Variants in ABCC10 observed in about 807,000 individuals in gnomAD.
ABCC10 encodes ATP binding cassette subfamily C member 10.
ABCC10 carries 110 observed loss-of-function variants against 143.2 expected under a neutral mutation model. The observed-to-expected ratio is 0.77, with a 90% CI of 0.66 to 0.90. The LOEUF (loss-of-function observed/expected upper bound fraction) is 0.90, where lower values mean the gene tolerates loss of function less well. Ranked by LOEUF, ABCC10 falls within the 40% of genes least tolerant of loss-of-function variation. The pLI, the probability that ABCC10 is intolerant of heterozygous loss-of-function variation, is 0.00. For synonymous variants in ABCC10, 805 were observed against 846.7 expected (o/e 0.95, Z 0.85); for missense variants, 1,700 against 1,900.5 (o/e 0.89, Z 1.96).
At chr6:43,435,483 A>G (rs1391991484) in intron 4 of ABCC10, among the ~76,000 whole-genome samples, 1 of 152,038 alleles carries the variant, frequency 6.6e-6, no homozygotes, top group East Asian at 1.9e-4. Context: ...CAGTGAGCCG[A>G]GATTATGCCA....
chr6:43,428,473 G>T (rs1780741447), intron 2 of ABCC10, among the ~76,000 whole-genome samples: 1 of 152,196 alleles, frequency 6.6e-6, no homozygotes, highest in Non-Finnish European at 1.5e-5. Flanking sequence ...ATTGGAGGCA[G>T]AATTGGGGGA....
chr6:43,442,948 C>A, intron 9 of ABCC10, 22 bp from the exon 10 acceptor site: 1 of 1,546,208 alleles, frequency 6.5e-7, no homozygotes, highest in South Asian at 1.3e-5. Flanking sequence ...CTGGTGCCCA[C>A]GGTACCCTCA....
At chr6:43,428,293 G>A (rs887934636) in intron 2 of ABCC10, among the ~76,000 whole-genome samples, 154 bp downstream of exon 2, 1 of 152,244 alleles carries the variant, frequency 6.6e-6, no homozygotes, top group African/African-American at 2.4e-5. Flanking sequence ...CAGCAATGTG[G>A]CTGTTCTTGG....
chr6:43,428,014 C>T lies in ABCC10; in HGVS notation c.36C>T (p.Ser12=). 6.2e-7 allele frequency: 1 copy of T among 1,610,110 alleles called. No individual in the cohort carries two copies. The highest frequency in any genetic ancestry group is 1.1e-5 in the South Asian group (1 of 90,556). The change falls in exon 2 of 22, where the codon AGC becomes AGT. Residue 12 remains serine (S), a synonymous_variant. Coordinates refer to ENST00000372530, the MANE Select transcript of ABCC10 (RefSeq NM_001198934.2). ...ERLLAQLCGS[S]AAWPLPLWEG... is the part of the protein sequence containing the mutation. ...TTCTGGCCCAGCTGTGCGGCAGCAG[C>T]GCAGCGTGGCCGCTCCCGCTGTGGG...
chr6:43,442,945 C>A, intron 9 of ABCC10, 25 bp from the exon 10 acceptor site: 1 of 1,541,342 alleles, frequency 6.5e-7, no homozygotes, highest in Non-Finnish European at 8.7e-7. Flanking sequence ...GTCCTGGTGC[C>A]CACGGTACCC....
chr6:43,436,367 G>A, intron 6 of ABCC10, 120 bp downstream of exon 6: 11 of 1,246,868 alleles, frequency 8.8e-6, no homozygotes, highest in Non-Finnish European at 1.0e-5. Context: ...AATTGCTGCA[G>A]GAGGGATAGG....
At chr6:43,450,486 C>A, downstream of ABCC10, 1 of 1,511,792 alleles carries the variant, frequency 6.6e-7, no homozygotes, top group African/African-American at 1.4e-5. This position sits in a 1 kb window ranked among gnomAD's most constrained non-coding sequence, Gnocchi z 4.5. Flanking sequence ...CGGACCACTC[C>A]AGTCTGAGGG....
intron 3 of ABCC10, 87 bp downstream of exon 3, chr6:43,433,447 A>C: frequency 1.4e-6 from 2 of 1,458,146 alleles, no homozygotes; most frequent in Non-Finnish European, 1.8e-6. Context: ...TACCTGAGGG[A>C]GTGAGAGTGA....
chr6:43,446,167 C>T, intron 15 of ABCC10, 110 bp from the exon 16 acceptor site: 1 of 1,361,624 alleles, frequency 7.3e-7, no homozygotes, highest in Non-Finnish European at 1.0e-6. Flanking sequence ...GGTATACAGA[C>T]CAGCTCCCAA....
intron 15 of ABCC10, 70 bp from the exon 16 acceptor site, chr6:43,446,207 G>T: frequency 8.4e-6 from 13 of 1,550,536 alleles, no homozygotes; most frequent in Non-Finnish European, 1.1e-5. Flanking sequence ...GGCCTTCCCT[G>T]TTGAGGCCCT....
chr6:43,443,674 G>A lies in ABCC10; in HGVS notation c.2417-259G>A, dbSNP rs1437255136. On this transcript the variant is annotated intron_variant, in intron 10 of 21. Transcript: ENST00000372530. The surrounding 1 kb of genome is among the most constrained non-coding windows in gnomAD (Gnocchi z 4.2). ...AGCTCTGGCGGTCCTCTTGGGGATG[G>A]ACATTCGTCCCTCTCTGCTGGTCGG... 13 of 458,226 alleles carry A rather than the reference G, an allele frequency of 2.8e-5. No homozygotes were observed. Among genetic ancestry groups the A allele is most frequent in the Non-Finnish European group, 4.8e-5 (12 of 251,348 alleles). The allele number at this position is 458,226 out of a possible 1,614,324, so 28.4% of individuals were successfully genotyped here.
Position 43,443,206 on chromosome 6 carries a change from T to C in ABCC10, c.2416+47T>C. 6.6e-7 allele frequency: 1 copy of C among 1,520,984 alleles called. No individual in the cohort carries two copies. 94.2% of individuals were successfully genotyped at this position (1,520,984 alleles called of 1,614,324 possible). ...TGTGAGGGAGGTGTCTGCCCAGGTCTGGCAGGGGATTGTGAAGTACAGACT... is the reference window on the plus strand; with the variant it reads ...TGTGAGGGAGGTGTCTGCCCAGGTCCGGCAGGGGATTGTGAAGTACAGACT... On this transcript the variant is annotated intron_variant, in intron 10 of 21. Transcript: ENST00000372530. The surrounding 1 kb of genome is among the most constrained non-coding windows in gnomAD (Gnocchi z 4.2).
In ABCC10 at chr6:43,444,372, G is replaced by A; in HGVS notation, c.2689+19G>A. The A allele has an allele frequency of 6.3e-7, 1 of 1,585,908 alleles. No homozygotes were observed. The highest frequency in any genetic ancestry group is 8.6e-7 in the Non-Finnish European group (1 of 1,167,496). On this transcript the variant is annotated intron_variant, in intron 12 of 21. Transcript: ENST00000372530. ...ATGCAAGGTGAGAGCGTGCCTGGGAGTCTCTTACATCGTAACGGCTGTGCT... is the reference window on the plus strand; with the variant it reads ...ATGCAAGGTGAGAGCGTGCCTGGGAATCTCTTACATCGTAACGGCTGTGCT...
chr6:43,434,558 T>G (rs1412629056), intron 3 of ABCC10, 63 bp from the exon 4 acceptor site: 2 of 1,479,902 alleles, frequency 1.4e-6, no homozygotes, highest in African/African-American at 2.8e-5. Context: ...GGGGAAGGCT[T>G]GGCAGGGAAG....
chr6:43,437,284 A>G (rs1781824817), intron 6 of ABCC10, among the ~76,000 whole-genome samples: 1 of 152,000 alleles, frequency 6.6e-6, no homozygotes, highest in African/African-American at 2.4e-5. Flanking sequence ...AGTGGTGCCC[A>G]CTTGTAGCTG....
Position 43,434,499 on chromosome 6 carries a change from G to A in ABCC10, c.1381-122G>A, listed in dbSNP as rs763021320. The A allele has an allele frequency of 1.7e-5, 15 of 879,534 alleles. No individual in the cohort carries two copies. In the African/African-American group the frequency reaches 1.8e-4, roughly 11 times the overall value. The allele number at this position is 879,534 out of a possible 1,614,324, so 54.5% of individuals were successfully genotyped here. On this transcript the variant is annotated intron_variant, in intron 3 of 21. Transcript: ENST00000372530. ...GAGGAAGAAAACCAAGACTAGGGCA[G>A]TGCAGAGTATCTGGGAGCTTAGAGT...
chr6:43,447,532 C>G, intron 17 of ABCC10, 124 bp downstream of exon 17: 1 of 1,551,404 alleles, frequency 6.4e-7, no homozygotes, highest in Non-Finnish European at 8.7e-7. Flanking sequence ...TCATGATGAC[C>G]ACAATTCTTC....
chr6:43,428,238 T>G, intron 2 of ABCC10, 99 bp downstream of exon 2: 34 of 1,307,964 alleles, frequency 2.6e-5, no homozygotes, highest in Non-Finnish European at 3.2e-5. Context: ...GCGAGGTCTC[T>G]GGAGTAGGGC....
At position 43,444,390 on chromosome 6, in the gene ABCC10, G is replaced by A. The variant is rs1782801330; in HGVS notation, c.2689+37G>A. 1.9e-6 allele frequency: 3 copies of A among 1,559,904 alleles called. No individual in the cohort carries two copies. The South Asian group carries it at 3.7e-5, about 19-fold the overall frequency. On this transcript the variant is annotated intron_variant, in intron 12 of 21. Transcript: ENST00000372530. Reference sequence around the variant, plus strand: ...CCTGGGAGTCTCTTACATCGTAACGGCTGTGCTGTCTAGGTGCCCATTACC... The same window carrying A: ...CCTGGGAGTCTCTTACATCGTAACGACTGTGCTGTCTAGGTGCCCATTACC...
Sources: allele counts gnomAD v4.1 joint callset (sites outside exome capture counted in the v4.1 genomes callset), GRCh38; gene constraint gnomAD v4.1.1; non-coding constraint Gnocchi (gnomAD v3.1); transcripts MANE v1.5; gene names NCBI Gene and HGNC (gene_info 2026-07-23, HGNC 2026-07-21).